DPP10: variants seen among roughly 807,000 people sequenced by gnomAD.
DPP10 encodes inactive dipeptidyl peptidase 10.
A neutral mutation model predicts 120.9 loss-of-function variants in DPP10; 33 were observed. The observed-to-expected ratio is 0.27, with a 90% CI of 0.21 to 0.37. The LOEUF is 0.37. Ranked by LOEUF, DPP10 falls within the 10% of genes least tolerant of loss-of-function variation. The pLI, the probability that DPP10 is intolerant of heterozygous loss-of-function variation, is 1.00. For synonymous variants in DPP10, 337 were observed against 326.1 expected (o/e 1.03, Z -0.36); for missense variants, 816 against 942.8 (o/e 0.87, Z 1.76).
rs904220306 is a variant in DPP10 at position 115,844,662 on chromosome 2, C to G, written c.*2317C>G. The G allele has an allele frequency of 1.3e-5, 2 of 152,006 alleles. No individual in the cohort carries two copies. Among genetic ancestry groups the G allele is most frequent in the Non-Finnish European group, 1.5e-5 (1 of 67,970 alleles). The allele number at this position is 152,006 out of a possible 1,614,324, so 9.4% of individuals were successfully genotyped here. A position where few individuals can be genotyped will look rare whatever the true frequency, so the allele number is the denominator to read the frequency against. ...TATACATGTACCCTTGGTCATAATC[C>G]CACTATTTCATACATATTTATGCAT... On this transcript the variant is annotated 3_prime_UTR_variant, in exon 26 of 26. Coordinates refer to ENST00000410059, the MANE Select transcript of DPP10 (RefSeq NM_020868.6).
At chr2:115,154,004 G>A (rs961299571) in intron 1 of DPP10, among the ~76,000 whole-genome samples, 2 of 152,100 alleles carry the variant, frequency 1.3e-5, no homozygotes, top group African/African-American at 4.8e-5. Context: ...AGATAAACAA[G>A]CTTATTTAAT....
chr2:115,164,104 C>T (rs1462713444), intron 1 of DPP10, among the ~76,000 whole-genome samples: 1 of 151,968 alleles, frequency 6.6e-6, no homozygotes, highest in African/African-American at 2.4e-5. Context: ...TTGAAAATGT[C>T]AGTTTTATGA....
chr2:114,801,434 AG>A (rs1176352444), intron 1 of DPP10, among the ~76,000 whole-genome samples: 1 of 152,088 alleles, frequency 6.6e-6, no homozygotes, highest in African/African-American at 2.4e-5. Context: ...TGGGGTGTAA[AG>A]GGGAAAACAG....
At chr2:114,836,626 C>T (rs573469877) in intron 1 of DPP10, among the ~76,000 whole-genome samples, 10 of 152,218 alleles carry the variant, frequency 6.6e-5, no homozygotes, top group East Asian at 5.8e-4. Flanking sequence ...AATGAAGTTT[C>T]GGGCACCCAT....
At chr2:115,799,152 A>G (rs1483247906) in intron 19 of DPP10, among the ~76,000 whole-genome samples, 1 of 152,044 alleles carries the variant, frequency 6.6e-6, no homozygotes, top group Non-Finnish European at 1.5e-5. Context: ...GATTTCCTCT[A>G]GACATTAATA....
At chr2:114,861,325 G>A (rs1046038535) in intron 1 of DPP10, among the ~76,000 whole-genome samples, 1 of 152,136 alleles carries the variant, frequency 6.6e-6, no homozygotes, top group Non-Finnish European at 1.5e-5. Flanking sequence ...ACTCCCACAT[G>A]ACAACCACAC....
intron 8 of DPP10, 113 bp from the exon 9 acceptor site, chr2:115,739,626 A>C: frequency 8.8e-7 from 1 of 1,131,326 alleles, no homozygotes; most frequent in Non-Finnish European, 1.3e-6. Context: ...AATAAAATTC[A>C]ATACACAGTC....
chr2:114,641,344 C>A (rs1239423980), intron 1 of DPP10, among the ~76,000 whole-genome samples: 1 of 151,880 alleles, frequency 6.6e-6, no homozygotes, highest in East Asian at 1.9e-4. Flanking sequence ...ATATTCGTGG[C>A]TAGCAGTGTC....
intron 1 of DPP10, among the ~76,000 whole-genome samples, chr2:114,529,837 C>A (rs1685814031): frequency 1.3e-5 from 2 of 152,054 alleles, no homozygotes; most frequent in Non-Finnish European, 1.5e-5. Flanking sequence ...CCTCTCCCTC[C>A]TCCCTCCCTC....
intron 1 of DPP10, among the ~76,000 whole-genome samples, chr2:115,024,258 A>G (rs1703290655): frequency 6.6e-6 from 1 of 152,142 alleles, no homozygotes; most frequent in South Asian, 2.1e-4. Flanking sequence ...TTGGTTTTTA[A>G]TCTTAACAGT....
chr2:115,217,044 C>T (rs768245079), intron 1 of DPP10, among the ~76,000 whole-genome samples: 21 of 152,052 alleles, frequency 1.4e-4, no homozygotes, highest in Non-Finnish European at 2.4e-4. Flanking sequence ...TTTATCTGTC[C>T]GATAAGTGGG....
intron 19 of DPP10, among the ~76,000 whole-genome samples, chr2:115,795,581 A>G (rs9308720): frequency 0.059 from 8,942 of 152,110 alleles, 931 homozygotes; most frequent in African/African-American, 0.2. Context: ...GAGTCTCATC[A>G]CTGAATGTTC....
intron 1 of DPP10, among the ~76,000 whole-genome samples, chr2:115,145,842 C>T (rs2051192949): frequency 6.6e-6 from 1 of 152,072 alleles, no homozygotes; most frequent in South Asian, 2.1e-4. Context: ...TTTTAGCATT[C>T]TACCAGATAT....
intron 1 of DPP10, chr2:114,706,991 T>G (rs2105844167): frequency 6.6e-6 from 1 of 152,298 alleles, no homozygotes; most frequent in South Asian, 2.1e-4. Flanking sequence ...TGGCCCTCCC[T>G]GGGTCTGTGG....
intron 1 of DPP10, among the ~76,000 whole-genome samples, chr2:115,025,132 G>T (rs1703367174): frequency 6.6e-6 from 1 of 151,784 alleles, no homozygotes; most frequent in Admixed American, 6.6e-5. Flanking sequence ...CTGTATATTT[G>T]TCTTTTTAAT....
chr2:114,902,725 T>C (rs183977944), intron 1 of DPP10, among the ~76,000 whole-genome samples: 2 of 152,288 alleles, frequency 1.3e-5, no homozygotes, highest in African/African-American at 2.4e-5. Flanking sequence ...CGCACACATA[T>C]ATAACCCTCC....
chr2:115,358,915 A>G (rs1368009122), intron 3 of DPP10, among the ~76,000 whole-genome samples: 3 of 152,142 alleles, frequency 2.0e-5, no homozygotes, highest in African/African-American at 7.2e-5. Flanking sequence ...TATCACAAGA[A>G]TAGCATGGAT....
At chr2:115,488,685 T>A (rs1574993499) in intron 3 of DPP10, among the ~76,000 whole-genome samples, 1 of 115,824 alleles carries the variant, frequency 8.6e-6, no homozygotes, top group African/African-American at 3.3e-5. Context: ...AACAATGAGA[T>A]CACATGGACA....
intron 1 of DPP10, among the ~76,000 whole-genome samples, chr2:114,663,142 C>A (rs555047170): frequency 4.0e-5 from 6 of 151,792 alleles, no homozygotes; most frequent in African/African-American, 1.5e-4. Context: ...GAAGCTGGTA[C>A]AGGAGCCAAG....
Sources: gnomAD v4.1 joint callset for allele counts (sites outside exome capture counted in the v4.1 genomes callset) on GRCh38, gnomAD v4.1.1 for gene constraint, MANE v1.5 for transcripts, NCBI Gene and HGNC (gene_info 2026-07-23, HGNC 2026-07-21) for gene names.